SOX5: variants seen among roughly 807,000 people sequenced by gnomAD.
SOX5 encodes transcription factor SOX-5.
A neutral mutation model predicts 92.0 loss-of-function variants in SOX5; 9 were observed. That is an observed-to-expected ratio of 0.10 (90% CI 0.06 to 0.17). SOX5 has a LOEUF of 0.17. Ranked by LOEUF, SOX5 falls within the 10% of genes least tolerant of loss-of-function variation. SOX5 has a pLI of 1.00. For synonymous variants in SOX5, 344 were observed against 336.3 expected, an observed-to-expected ratio of 1.02 and a Z score of -0.25; for missense variants, 642 against 944.5, an observed-to-expected ratio of 0.68 and a Z score of 4.20.
At chr12:23,755,496 C>T in intron 4 of SOX5, 142 bp downstream of exon 4, 1 of 606,422 alleles carries the variant, frequency 1.6e-6, no homozygotes, top group Non-Finnish European at 2.8e-6. Flanking sequence ...CATCCTCCTT[C>T]AAGATAGAAA....
At chr12:24,163,462 A>T (rs1365917488) in intron 4 of SOX5, among the ~76,000 whole-genome samples, 1 of 150,502 alleles carries the variant, frequency 6.6e-6, no homozygotes, top group Non-Finnish European at 1.5e-5. Context: ...CTTTTTGTCT[A>T]CTCATCACAC....
chr12:23,629,633 G>A (rs1278606148), intron 8 of SOX5, among the ~76,000 whole-genome samples: 2 of 151,960 alleles, frequency 1.3e-5, no homozygotes, highest in Non-Finnish European at 1.5e-5. Flanking sequence ...CTTGGAGTCC[G>A]GTGAATAGTT....
chr12:23,992,086 G>A (rs958172153), intron 4 of SOX5, among the ~76,000 whole-genome samples: 2 of 151,984 alleles, frequency 1.3e-5, no homozygotes, highest in African/African-American at 2.4e-5. Context: ...GATCAGTATT[G>A]GTTGGGGCTT....
At chr12:24,428,726 CAAAAAAAAAAAAAAAAAAA>C (rs57964050) in intron 1 of SOX5, among the ~76,000 whole-genome samples, 6 of 32,590 alleles carry the variant, frequency 1.8e-4, no homozygotes, top group African/African-American at 6.3e-4. Context: ...CTCTGTTTCT[CAAAAAAAAAAAAAAAAAAA>C]AAAAAAAAAA....
intron 4 of SOX5, among the ~76,000 whole-genome samples, chr12:24,155,668 T>C (rs951519133): frequency 3.9e-5 from 6 of 152,168 alleles, no homozygotes. Flanking sequence ...GGTTAACAAT[T>C]AGCTTTCAAA....
intron 1 of SOX5, among the ~76,000 whole-genome samples, chr12:24,428,428 G>A (rs1966934165): frequency 6.6e-6 from 1 of 151,994 alleles, no homozygotes; most frequent in Non-Finnish European, 1.5e-5. Flanking sequence ...TCATAGCAAA[G>A]ATCAACTAGA....
Position 24,313,077 on chromosome 12 carries a change from T to C in SOX5, c.-173-35765A>G, listed in dbSNP as rs140016154. On this transcript the variant is annotated intron_variant, in intron 2 of 4. Coordinates refer to the SOX5 transcript ENST00000446891. The stretch of plus-strand genomic sequence containing the variant: ...TATACAAGGTTCCTGAGGCAAAGGG[T>C]GTGAGCACAAGAAGTTACATGCTCA... Among the ~76,000 whole-genome samples, 62 of 152,312 alleles carry C rather than the reference T, an allele frequency of 4.1e-4. No homozygotes were observed. The East Asian group carries it at 0.012, about 28-fold the overall frequency.
chr12:24,401,629 C>G (rs117337793), intron 1 of SOX5, among the ~76,000 whole-genome samples: 2 of 145,462 alleles, frequency 1.4e-5, no homozygotes. Context: ...AGGATGAATT[C>G]TGCCCAGGAG....
At chr12:24,095,128 C>CACACACACACAGAGAG (rs1345578614) in intron 4 of SOX5, among the ~76,000 whole-genome samples, 2 of 90,212 alleles carry the variant, frequency 2.2e-5, no homozygotes, top group Non-Finnish European at 4.5e-5. Flanking sequence ...CACACACACA[C>CACACACACACAGAGAG]AGAGAGAGAG....
At chr12:24,017,538 T>G (rs984984053) in intron 4 of SOX5, among the ~76,000 whole-genome samples, 2 of 151,976 alleles carry the variant, frequency 1.3e-5, no homozygotes, top group Non-Finnish European at 2.9e-5. Flanking sequence ...AGGTGGAGGT[T>G]GCAGTGAGCC....
intron 4 of SOX5, among the ~76,000 whole-genome samples, chr12:24,047,901 GGTT>G (rs1957206775): frequency 6.6e-6 from 1 of 152,092 alleles, no homozygotes; most frequent in African/African-American, 2.4e-5. Flanking sequence ...AATGTTTTCT[GGTT>G]GTTAAATTCT....
intron 4 of SOX5, among the ~76,000 whole-genome samples, chr12:23,967,695 T>C (rs1445594336): frequency 2.0e-5 from 3 of 152,138 alleles, no homozygotes; most frequent in Non-Finnish European, 4.4e-5. Flanking sequence ...ATAGCTTTGG[T>C]TGCAAGAGAA....
chr12:24,171,263 A>T (rs1954116969), intron 4 of SOX5, among the ~76,000 whole-genome samples: 1 of 119,040 alleles, frequency 8.4e-6, no homozygotes, highest in South Asian at 2.8e-4. Context: ...TCGCTCTGTC[A>T]CCCAGGCTGG....
chr12:24,282,001 A>T (rs1046706687), intron 2 of SOX5, among the ~76,000 whole-genome samples: 3 of 152,136 alleles, frequency 2.0e-5, no homozygotes, highest in African/African-American at 7.2e-5. Flanking sequence ...CTGATGGTCA[A>T]TTTCAGAGAT....
At chr12:24,038,453 G>A (rs940271987) in intron 4 of SOX5, among the ~76,000 whole-genome samples, 3 of 152,162 alleles carry the variant, frequency 2.0e-5, no homozygotes, top group Non-Finnish European at 4.4e-5. Context: ...GGAAGTTCCC[G>A]TGTCAGTTCC....
intron 1 of SOX5, among the ~76,000 whole-genome samples, chr12:24,534,944 G>A (rs1263224411): frequency 5.3e-5 from 8 of 152,208 alleles, no homozygotes; most frequent in East Asian, 1.9e-4. Flanking sequence ...GCAAAATGTC[G>A]AAGTGAGAAC....
At chr12:24,498,549 A>C (rs992759227) in intron 1 of SOX5, among the ~76,000 whole-genome samples, 5 of 152,134 alleles carry the variant, frequency 3.3e-5, no homozygotes, top group African/African-American at 1.2e-4. Context: ...ATAACAATAC[A>C]TTTTCAGGAT....
chr12:23,582,467 C>T (rs1950176308), intron 9 of SOX5, among the ~76,000 whole-genome samples: 1 of 152,110 alleles, frequency 6.6e-6, no homozygotes, highest in African/African-American at 2.4e-5. Context: ...AATTAATAAT[C>T]CTACTCGCGT....
intron 4 of SOX5, among the ~76,000 whole-genome samples, chr12:24,025,708 T>C (rs1954801756): frequency 6.6e-6 from 1 of 151,926 alleles, no homozygotes; most frequent in South Asian, 2.1e-4. Context: ...AAAATGCCAA[T>C]AAAACTTTCA....
Sources: gnomAD v4.1 joint callset for allele counts (sites outside exome capture counted in the v4.1 genomes callset) on GRCh38, gnomAD v4.1.1 for gene constraint, MANE v1.5 for transcripts, NCBI Gene and HGNC (gene_info 2026-07-23, HGNC 2026-07-21) for gene names.